The following TNFRSF21 variants were observed in gnomAD, a reference collection of about 807,000 sequenced individuals.
TNFRSF21 encodes TNF receptor superfamily member 21.
A neutral mutation model predicts 45.6 loss-of-function variants in TNFRSF21; 19 were observed. The ratio of observed to expected loss-of-function variants is 0.42; its 90% CI spans 0.29 to 0.61. The LOEUF (loss-of-function observed/expected upper bound fraction) is 0.61, where lower values mean the gene tolerates loss of function less well. Among genes scored for constraint, TNFRSF21 ranks in the 20% least tolerant of loss-of-function variants. The probability of loss-of-function intolerance (pLI) is 0.23; values close to 1 mark genes in which losing one functional copy is unlikely to be tolerated. For missense variants in TNFRSF21, 737 were observed against 851.5 expected (o/e 0.87, Z 1.67); for synonymous variants, 314 against 335.5 (o/e 0.94, Z 0.70).
intron 4 of TNFRSF21, 123 bp downstream of exon 4, chr6:47,253,133 T>C (rs1476381654): frequency 7.4e-6 from 5 of 678,622 alleles, no homozygotes; most frequent in East Asian, 3.6e-5. Flanking sequence ...GGCGTATGCG[T>C]GTGTGTGTGT....
chr6:47,234,272 C>G (rs1764629406), intron 5 of TNFRSF21, among the ~76,000 whole-genome samples: 1 of 152,148 alleles, frequency 6.6e-6, no homozygotes, highest in African/African-American at 2.4e-5. Context: ...CTGCTGCGCA[C>G]GGCCTAAAAC....
At chr6:47,277,076 C>T (rs1457778222) in intron 3 of TNFRSF21, among the ~76,000 whole-genome samples, 4 of 152,308 alleles carry the variant, frequency 2.6e-5, no homozygotes, top group African/African-American at 7.2e-5. Flanking sequence ...TCACTGCAAC[C>T]TCTGCCTCCT....
intron 4 of TNFRSF21, among the ~76,000 whole-genome samples, chr6:47,251,666 G>C (rs897182050): frequency 2.0e-5 from 3 of 152,070 alleles, no homozygotes; most frequent in Non-Finnish European, 4.4e-5. Flanking sequence ...ATCCTTCTTT[G>C]AGCCTTAGGC....
intron 1 of TNFRSF21, among the ~76,000 whole-genome samples, chr6:47,290,454 A>T (rs1225909545): frequency 3.3e-5 from 5 of 152,186 alleles, no homozygotes; most frequent in Non-Finnish European, 7.3e-5. Context: ...TTCCCCCGAA[A>T]TATGCACTTC....
At chr6:47,308,388 T>G (rs112818403) in intron 1 of TNFRSF21, among the ~76,000 whole-genome samples, 203 of 152,334 alleles carry the variant, frequency 1.3e-3, no homozygotes, top group African/African-American at 4.6e-3. Flanking sequence ...GGGGTTTTTT[T>G]GTTCGGTTTT....
chr6:47,293,600 C>G (rs1181643277), intron 1 of TNFRSF21, among the ~76,000 whole-genome samples: 1 of 152,208 alleles, frequency 6.6e-6, no homozygotes, highest in African/African-American at 2.4e-5. Flanking sequence ...TCAAAAAATA[C>G]AGAGAGCAGA....
At chr6:47,283,521 C>CGATT (rs1762598131) in intron 3 of TNFRSF21, among the ~76,000 whole-genome samples, 1 of 152,208 alleles carries the variant, frequency 6.6e-6, no homozygotes, top group Non-Finnish European at 1.5e-5. Flanking sequence ...GCTTCACAGC[C>CGATT]TAATCGTATA....
intron 1 of TNFRSF21, among the ~76,000 whole-genome samples, chr6:47,298,138 A>C (rs1409160215): frequency 6.6e-6 from 1 of 152,108 alleles, no homozygotes; most frequent in Non-Finnish European, 1.5e-5. Context: ...TCCCACAGTG[A>C]GTTTCCCTGA....
At chr6:47,303,527 C>T (rs1410202177) in intron 1 of TNFRSF21, among the ~76,000 whole-genome samples, 1 of 152,186 alleles carries the variant, frequency 6.6e-6, no homozygotes, top group Admixed American at 6.5e-5. Context: ...CCTTTAGCAC[C>T]TCTCAAGAAC....
chr6:47,295,775 T>C (rs565885170), intron 1 of TNFRSF21, among the ~76,000 whole-genome samples: 15 of 150,456 alleles, frequency 1.0e-4, no homozygotes, highest in African/African-American at 3.7e-4. Context: ...GTTGGTCAAC[T>C]CTTGCATTTC....
chr6:47,302,520 A>G (rs1228016640), intron 1 of TNFRSF21, among the ~76,000 whole-genome samples: 2 of 152,214 alleles, frequency 1.3e-5, no homozygotes, highest in Non-Finnish European at 2.9e-5. Flanking sequence ...TTGCAGGAGT[A>G]TCTTTCCATC....
chr6:47,262,413 C>T (rs1463309692), intron 3 of TNFRSF21, among the ~76,000 whole-genome samples: 4 of 152,206 alleles, frequency 2.6e-5, no homozygotes, highest in Admixed American at 1.3e-4. Flanking sequence ...ATTTACTGAG[C>T]GTCTACTTTG....
chr6:47,264,371 T>A (rs1311754706), intron 3 of TNFRSF21, among the ~76,000 whole-genome samples: 1 of 152,046 alleles, frequency 6.6e-6, no homozygotes, highest in Non-Finnish European at 1.5e-5. Context: ...CTACTAAAAA[T>A]ACAAAAATTA....
At chr6:47,304,883 C>T (rs1410671705) in intron 1 of TNFRSF21, among the ~76,000 whole-genome samples, 1 of 152,140 alleles carries the variant, frequency 6.6e-6, no homozygotes, top group African/African-American at 2.4e-5. Context: ...GAGCTCAATT[C>T]CATTATACAC....
At chr6:47,259,964 A>G (rs954778145) in intron 3 of TNFRSF21, among the ~76,000 whole-genome samples, 10 of 152,186 alleles carry the variant, frequency 6.6e-5, no homozygotes, top group African/African-American at 2.4e-4. Context: ...TTTTCACTTA[A>G]GTAAAATAGA....
intron 3 of TNFRSF21, among the ~76,000 whole-genome samples, chr6:47,271,008 G>A (rs967977809): frequency 2.0e-5 from 3 of 152,148 alleles, no homozygotes; most frequent in Non-Finnish European, 4.4e-5. Flanking sequence ...CAAGAAATAT[G>A]GGACTATGTG....
intron 1 of TNFRSF21, among the ~76,000 whole-genome samples, chr6:47,289,596 T>C (rs1762693360): frequency 6.6e-6 from 1 of 152,206 alleles, no homozygotes; most frequent in Non-Finnish European, 1.5e-5. Context: ...TTACCTTTCA[T>C]TTTCTTGTTC....
At chr6:47,238,247 C>G (rs16875796) in intron 4 of TNFRSF21, among the ~76,000 whole-genome samples, 10,684 of 152,292 alleles carry the variant, frequency 0.07, 413 homozygotes, top group South Asian at 0.14. Context: ...CTGAGCTCCT[C>G]TCTATACTTT....
Position 47,232,655 on chromosome 6 carries a change from ACAC to A in TNFRSF21, c.*107_*109del. ...CACACACACACACACACACACACACACACAAACACACACACACACCCCAAACAA... is the reference window on the plus strand; with the variant it reads ...CACACACACACACACACACACACACAAAACACACACACACACCCCAAACAA... On this transcript the variant is annotated 3_prime_UTR_variant, in exon 6 of 6. Coordinates refer to ENST00000296861, the MANE Select transcript of TNFRSF21 (RefSeq NM_014452.5). 1 of 883,934 alleles carries A rather than the reference ACAC, an allele frequency of 1.1e-6. No homozygotes were observed. Among genetic ancestry groups the A allele is most frequent in the Non-Finnish European group, 1.8e-6 (1 of 565,544 alleles). The allele number at this position is 883,934 out of a possible 1,614,324, so 54.8% of individuals were successfully genotyped here.
Sources: allele counts gnomAD v4.1 joint callset (sites outside exome capture counted in the v4.1 genomes callset), GRCh38; gene constraint gnomAD v4.1.1; transcripts MANE v1.5; gene names NCBI Gene and HGNC (gene_info 2026-07-23, HGNC 2026-07-21).